MDGA2: variants seen among roughly 807,000 people sequenced by gnomAD.
MDGA2 encodes MAM domain-containing glycosylphosphatidylinositol anchor protein 2.
In MDGA2, 40 loss-of-function variants were observed where a neutral mutation model predicts 117.8. The ratio of observed to expected loss-of-function variants is 0.34; its 90% CI spans 0.26 to 0.44. The LOEUF (loss-of-function observed/expected upper bound fraction) is 0.44. Among genes scored for constraint, MDGA2 ranks in the 20% least tolerant of loss-of-function variants. The probability of loss-of-function intolerance (pLI) is 1.00; values close to 1 mark genes in which losing one functional copy is unlikely to be tolerated. For missense variants in MDGA2, 1,123 were observed against 1,250.6 expected (o/e 0.90, Z 1.54); for synonymous variants, 452 against 439.0 (o/e 1.03, Z -0.37).
chr14:47,564,550 G>T (rs1895880362), intron 1 of MDGA2, among the ~76,000 whole-genome samples: 1 of 152,126 alleles, frequency 6.6e-6, no homozygotes. Context: ...GGCAGAAATT[G>T]CTCCCATGAT....
chr14:46,888,583 G>A (rs1035578144), intron 10 of MDGA2, among the ~76,000 whole-genome samples: 1 of 151,720 alleles, frequency 6.6e-6, no homozygotes, highest in African/African-American at 2.4e-5. Context: ...TTGCTGAAAA[G>A]GTCTCAGGAG....
chr14:47,044,553 A>G (rs1889189761), intron 7 of MDGA2, among the ~76,000 whole-genome samples: 1 of 152,138 alleles, frequency 6.6e-6, no homozygotes, highest in African/African-American at 2.4e-5. Context: ...ATGTCTTCAC[A>G]CCAGATAGTA....
chr14:47,242,448 G>A (rs900994434), intron 2 of MDGA2, among the ~76,000 whole-genome samples: 1 of 151,894 alleles, frequency 6.6e-6, no homozygotes, highest in Non-Finnish European at 1.5e-5. Context: ...TGGAGGGAGA[G>A]GCACGAGCGG....
At chr14:47,007,563 G>A (rs1442088467) in intron 8 of MDGA2, among the ~76,000 whole-genome samples, 2 of 151,782 alleles carry the variant, frequency 1.3e-5, no homozygotes, top group Admixed American at 6.6e-5. Flanking sequence ...TGAAGACACC[G>A]TGAACATGAC....
At chr14:46,853,361 G>A (rs1881138107) in intron 15 of MDGA2, among the ~76,000 whole-genome samples, 1 of 151,698 alleles carries the variant, frequency 6.6e-6, no homozygotes, top group South Asian at 2.1e-4. Context: ...AGGAGAAGAG[G>A]AGAAAAACCT....
intron 6 of MDGA2, among the ~76,000 whole-genome samples, chr14:47,069,961 T>G (rs1246799867): frequency 1.3e-5 from 2 of 152,216 alleles, no homozygotes; most frequent in African/African-American, 4.8e-5. Context: ...CTGGCGCATC[T>G]AACCATTCCC....
At chr14:47,559,784 G>C (rs981180669) in intron 1 of MDGA2, among the ~76,000 whole-genome samples, 1 of 151,948 alleles carries the variant, frequency 6.6e-6, no homozygotes, top group Admixed American at 6.6e-5. Context: ...TGTTGGTCAG[G>C]CTGGTCTCAA....
intron 3 of MDGA2, among the ~76,000 whole-genome samples, chr14:47,184,845 T>C (rs1322937493): frequency 6.6e-6 from 1 of 151,636 alleles, no homozygotes; most frequent in African/African-American, 2.4e-5. Context: ...CTGATTAATG[T>C]TTAACATATA....
At chr14:47,470,406 G>A (rs1893700076) in intron 1 of MDGA2, among the ~76,000 whole-genome samples, 1 of 151,978 alleles carries the variant, frequency 6.6e-6, no homozygotes. Context: ...GAGAATGATG[G>A]TTGCTAGCTT....
chr14:47,375,652 T>A (rs888472110), intron 1 of MDGA2, among the ~76,000 whole-genome samples: 1 of 152,112 alleles, frequency 6.6e-6, no homozygotes, highest in East Asian at 1.9e-4. Context: ...TCCTCGCAAC[T>A]ATCCAGATCT....
intron 8 of MDGA2, among the ~76,000 whole-genome samples, chr14:46,994,514 A>AAC (rs60903573): frequency 0.07 from 10,537 of 150,028 alleles, 1,195 homozygotes; most frequent in African/African-American, 0.24. Flanking sequence ...CACACATACA[A>AAC]ACACACACAC....
chr14:47,021,300 A>G (rs1235521915), intron 8 of MDGA2, among the ~76,000 whole-genome samples: 1 of 152,186 alleles, frequency 6.6e-6, no homozygotes, highest in African/African-American at 2.4e-5. Context: ...TCCTCATTCT[A>G]AACAGAAGCT....
intron 3 of MDGA2, among the ~76,000 whole-genome samples, chr14:47,195,387 C>A (rs962318417): frequency 1.3e-5 from 2 of 151,910 alleles, no homozygotes; most frequent in Non-Finnish European, 2.9e-5. Flanking sequence ...TTTGAAAATA[C>A]CTTTTATTAA....
intron 1 of MDGA2, among the ~76,000 whole-genome samples, chr14:47,559,863 A>G (rs1382995165): frequency 6.6e-6 from 1 of 151,776 alleles, no homozygotes; most frequent in African/African-American, 2.4e-5. Flanking sequence ...ATGAGCCACC[A>G]TGCCCAGCCA....
At chr14:47,256,699 A>T (rs1887631269) in intron 2 of MDGA2, among the ~76,000 whole-genome samples, 1 of 152,102 alleles carries the variant, frequency 6.6e-6, no homozygotes, top group Non-Finnish European at 1.5e-5. Context: ...AGTTTGATTG[A>T]GTTGGTTTGT....
intron 1 of MDGA2, among the ~76,000 whole-genome samples, chr14:47,488,813 G>T (rs1194300527): frequency 6.6e-6 from 1 of 151,922 alleles, no homozygotes; most frequent in African/African-American, 2.4e-5. Context: ...CACTAGAAAA[G>T]TAAAGAAAAA....
intron 1 of MDGA2, among the ~76,000 whole-genome samples, chr14:47,518,673 T>C (rs907467296): frequency 2.0e-5 from 3 of 152,194 alleles, no homozygotes; most frequent in Non-Finnish European, 2.9e-5. Context: ...AAAAAGAAAG[T>C]TGGATGACTA....
At chr14:46,921,602 G>A (rs1884133424) in intron 9 of MDGA2, among the ~76,000 whole-genome samples, 1 of 147,212 alleles carries the variant, frequency 6.8e-6, no homozygotes, top group Admixed American at 6.8e-5. Context: ...CTGGGGGACA[G>A]AGCCAGGCCC....
intron 8 of MDGA2, among the ~76,000 whole-genome samples, chr14:47,026,645 G>C (rs1443367300): frequency 6.6e-6 from 1 of 152,044 alleles, no homozygotes; most frequent in African/African-American, 2.4e-5. Flanking sequence ...ATCATAGTAT[G>C]TGTGAAATGC....
Sources: allele counts gnomAD v4.1 joint callset (sites outside exome capture counted in the v4.1 genomes callset), GRCh38; gene constraint gnomAD v4.1.1; transcripts MANE v1.5; gene names NCBI Gene and HGNC (gene_info 2026-07-23, HGNC 2026-07-21).